Variants in CMC1 observed in about 807,000 individuals in gnomAD.
CMC1 encodes the protein COX assembly mitochondrial protein homolog.
In CMC1, 14 loss-of-function variants were observed where a neutral mutation model predicts 14.1. The observed-to-expected ratio is 0.99, with a 90% CI of 0.66 to 1.55. CMC1 has a LOEUF of 1.55. Among genes scored for constraint, CMC1 ranks in the 40% most tolerant of loss-of-function variants. The pLI is 0.00. For synonymous variants in CMC1, 50 were observed against 38.4 expected, an observed-to-expected ratio of 1.30 and a Z score of -1.12; for missense variants, 127 against 123.8, an observed-to-expected ratio of 1.03 and a Z score of -0.12.
Position 28,324,471 on chromosome 3 carries a change from G to C in CMC1, c.*4842G>C. The C allele has an allele frequency of 6.9e-7, 1 of 1,439,106 alleles. No homozygotes were observed. Among genetic ancestry groups the C allele is most frequent in the Non-Finnish European group, 9.2e-7 (1 of 1,088,574 alleles). 89.1% of individuals were successfully genotyped at this position (1,439,106 alleles called of 1,614,324 possible). Reference sequence around the variant, plus strand: ...GGGCACAGGCTAAAAAGAAAACACAGACTAAATGTCAGTTTTCATTACATT... The same window carrying C: ...GGGCACAGGCTAAAAAGAAAACACACACTAAATGTCAGTTTTCATTACATT... On this transcript the variant is annotated 3_prime_UTR_variant, in exon 4 of 4. Coordinates refer to ENST00000466830, the MANE Select transcript of CMC1 (RefSeq NM_182523.2).
chr3:28,324,545 G>C lies in CMC1; in HGVS notation c.*4916G>C. 1 of 1,179,664 alleles carries C rather than the reference G, an allele frequency of 8.5e-7. No homozygotes were observed. 73.1% of individuals were successfully genotyped at this position (1,179,664 alleles called of 1,614,324 possible). ...CTTCACCAATTTGAATTCTAGAACT[G>C]GTGATGAAATTAAGATTTCCAAGTT... On this transcript the variant is annotated 3_prime_UTR_variant, in exon 4 of 4. Transcript: ENST00000466830.
chr3:28,302,053 C>T (rs1466447928), intron 2 of CMC1, among the ~76,000 whole-genome samples: 2 of 152,118 alleles, frequency 1.3e-5, no homozygotes, highest in Non-Finnish European at 2.9e-5. Flanking sequence ...ACACTCTAAC[C>T]TTTTTGATTC....
intron 2 of CMC1, among the ~76,000 whole-genome samples, chr3:28,274,184 T>TC (rs1265091988): frequency 6.6e-6 from 1 of 151,408 alleles, no homozygotes; most frequent in Non-Finnish European, 1.5e-5. Context: ...CTTCATAGTG[T>TC]CATTGGTCTT....
chr3:28,290,704 T>C (rs564417431), intron 2 of CMC1, among the ~76,000 whole-genome samples: 1 of 152,296 alleles, frequency 6.6e-6, no homozygotes, highest in South Asian at 2.1e-4. Flanking sequence ...TGTTTTTTGT[T>C]TCCTTTTTCT....
chr3:28,251,136 C>T (rs1315178681), intron 1 of CMC1, among the ~76,000 whole-genome samples: 1 of 152,122 alleles, frequency 6.6e-6, no homozygotes, highest in Non-Finnish European at 1.5e-5. Context: ...GTGTATTTAG[C>T]TCACAGTTCT....
chr3:28,291,897 T>A (rs1468108151), intron 2 of CMC1: 2 of 152,160 alleles, frequency 1.3e-5, no homozygotes, highest in Non-Finnish European at 2.9e-5. Flanking sequence ...TAAGTGTGGA[T>A]CCCTGAAAAA....
chr3:28,322,245 T>C lies in CMC1; in HGVS notation c.*2616T>C, dbSNP rs946357735. ...ACTGTTTAAATGGAAAATAATTTTCTCCACTCAAAAGCTGGTTTAACAAAT... is the reference window on the plus strand; with the variant it reads ...ACTGTTTAAATGGAAAATAATTTTCCCCACTCAAAAGCTGGTTTAACAAAT... On this transcript the variant is annotated 3_prime_UTR_variant, in exon 4 of 4. Transcript: ENST00000466830. 6.6e-6 allele frequency: 1 copy of C among 151,286 alleles called. No individual in the cohort carries two copies. Among genetic ancestry groups the C allele is most frequent in the African/African-American group, 2.4e-5 (1 of 41,346 alleles). 9.4% of individuals were successfully genotyped at this position (151,286 alleles called of 1,614,324 possible). A position where few individuals can be genotyped will look rare whatever the true frequency, so the allele number is the denominator to read the frequency against.
intron 2 of CMC1, among the ~76,000 whole-genome samples, chr3:28,280,589 T>C (rs1329255796): frequency 6.6e-6 from 1 of 152,176 alleles, no homozygotes; most frequent in Non-Finnish European, 1.5e-5. Flanking sequence ...AATTCATAAA[T>C]GTGGCTACTC....
chr3:28,243,508 T>G (rs992461977), intron 1 of CMC1, among the ~76,000 whole-genome samples: 7 of 152,240 alleles, frequency 4.6e-5, no homozygotes, highest in Non-Finnish European at 8.8e-5. Context: ...ACTTGCTCTC[T>G]TCACTTGCTT....
intron 2 of CMC1, among the ~76,000 whole-genome samples, chr3:28,281,866 C>T (rs902142622): frequency 2.6e-5 from 4 of 152,070 alleles, no homozygotes; most frequent in Non-Finnish European, 4.4e-5. Context: ...GGATTTAAGG[C>T]ACAGAGGTGA....
intron 2 of CMC1, among the ~76,000 whole-genome samples, chr3:28,297,340 C>A (rs1341227767): frequency 6.6e-6 from 1 of 151,952 alleles, no homozygotes; most frequent in South Asian, 2.1e-4. Flanking sequence ...CCATCTGAAT[C>A]CCTGTTGAAA....
intron 1 of CMC1, chr3:28,253,860 A>G: frequency 1.9e-6 from 1 of 520,144 alleles, no homozygotes; most frequent in South Asian, 1.6e-5. Flanking sequence ...GAAAGGGCAT[A>G]ACTTGCCCTT....
At chr3:28,244,191 T>G (rs1015657439) in intron 1 of CMC1, among the ~76,000 whole-genome samples, 1 of 152,184 alleles carries the variant, frequency 6.6e-6, no homozygotes, top group Non-Finnish European at 1.5e-5. Flanking sequence ...TTTAGAATCT[T>G]TTAAAGAGGG....
At chr3:28,283,612 G>A (rs995285362) in intron 2 of CMC1, among the ~76,000 whole-genome samples, 9 of 150,878 alleles carry the variant, frequency 6.0e-5, no homozygotes, top group African/African-American at 2.2e-4. Context: ...ATATTGTCTT[G>A]CTTTTATAGT....
At chr3:28,258,743 C>T (rs1038346209) in intron 1 of CMC1, among the ~76,000 whole-genome samples, 2 of 151,536 alleles carry the variant, frequency 1.3e-5, no homozygotes, top group African/African-American at 4.9e-5. Flanking sequence ...CCTCAGCCTC[C>T]GGAGTAGCTG....
chr3:28,255,277 G>C (rs1699334225), intron 1 of CMC1, among the ~76,000 whole-genome samples: 1 of 135,758 alleles, frequency 7.4e-6, no homozygotes, highest in Non-Finnish European at 1.5e-5. Flanking sequence ...GTCTCGCTCT[G>C]TCTCCTAGGC....
intron 2 of CMC1, among the ~76,000 whole-genome samples, chr3:28,270,470 A>G (rs1297839377): frequency 2.0e-5 from 3 of 152,094 alleles, no homozygotes; most frequent in South Asian, 2.1e-4. Context: ...ATGAGATGGT[A>G]TCTCATTATG....
In CMC1 at chr3:28,324,039, AAATT is replaced by A. The variant is rs1340038887; in HGVS notation, c.*4415_*4418del. The A allele has an allele frequency of 1.3e-6, 2 of 1,599,032 alleles. No homozygotes were observed. Among genetic ancestry groups the A allele is most frequent in the Non-Finnish European group, 8.5e-7 (1 of 1,169,700 alleles). ...CATGGTGAAATCGTGAATCTCTTCC[AAATT>A]AATTCTTATAAAGGCAGTTCTGATT... On this transcript the variant is annotated 3_prime_UTR_variant, in exon 4 of 4. Coordinates refer to ENST00000466830, the MANE Select transcript of CMC1 (RefSeq NM_182523.2).
At chr3:28,291,486 C>T (rs1483383576) in intron 2 of CMC1, among the ~76,000 whole-genome samples, 4 of 152,088 alleles carry the variant, frequency 2.6e-5, no homozygotes, top group Non-Finnish European at 4.4e-5. Flanking sequence ...AGCACTGTTA[C>T]AGATTTGTTT....
Sources: gnomAD v4.1 joint callset for allele counts (sites outside exome capture counted in the v4.1 genomes callset) on GRCh38, gnomAD v4.1.1 for gene constraint, MANE v1.5 for transcripts, NCBI Gene and HGNC (gene_info 2026-07-23, HGNC 2026-07-21) for gene names.